Variants in DCLK1 observed in about 807,000 individuals in gnomAD.
DCLK1 encodes doublecortin like kinase 1.
In DCLK1, 16 loss-of-function variants were observed where a neutral mutation model predicts 86.2. The ratio of observed to expected loss-of-function variants is 0.19; its 90% CI spans 0.13 to 0.28. DCLK1 has a LOEUF of 0.28. DCLK1 is among the 10% of genes least tolerant of loss of function. The pLI is 1.00. For missense variants in DCLK1, 590 were observed against 940.2 expected (o/e 0.63, Z 4.87); for synonymous variants, 369 against 370.5 (o/e 1.00, Z 0.05).
At chr13:35,875,794 G>A (rs527591637) in intron 4 of DCLK1, among the ~76,000 whole-genome samples, 6 of 151,996 alleles carry the variant, frequency 3.9e-5, no homozygotes, top group Non-Finnish European at 7.4e-5. Flanking sequence ...GATAAATATC[G>A]GCCCAAATTG....
At chr13:36,104,867 G>A (rs1053553598) in intron 3 of DCLK1, among the ~76,000 whole-genome samples, 15 of 152,090 alleles carry the variant, frequency 9.9e-5, no homozygotes, top group Non-Finnish European at 2.1e-4. Flanking sequence ...TGGAAACTAT[G>A]CAAAATGACC....
At chr13:36,072,696 T>C (rs1341496175) in intron 3 of DCLK1, among the ~76,000 whole-genome samples, 1 of 152,156 alleles carries the variant, frequency 6.6e-6, no homozygotes, top group Non-Finnish European at 1.5e-5. Flanking sequence ...ACTGAATAGA[T>C]ACAATCCAGC....
chr13:36,112,770 C>T (rs1885660484), intron 2 of DCLK1, among the ~76,000 whole-genome samples: 1 of 152,168 alleles, frequency 6.6e-6, no homozygotes, highest in African/African-American at 2.4e-5. Context: ...TAGTGCCAAT[C>T]ACAGTGATCC....
At chr13:36,058,968 G>C (rs9575200) in intron 3 of DCLK1, among the ~76,000 whole-genome samples, 26,519 of 152,096 alleles carry the variant, frequency 0.17, 2,749 homozygotes, top group East Asian at 0.46. Flanking sequence ...TGGCCAAAGA[G>C]AGTAGCTAAG....
chr13:35,926,301 G>A (rs575538814), intron 4 of DCLK1, among the ~76,000 whole-genome samples: 1 of 152,224 alleles, frequency 6.6e-6, no homozygotes, highest in South Asian at 2.1e-4. Flanking sequence ...CAAGTGATCC[G>A]CCCTCTTAGG....
At chr13:35,947,776 G>C (rs879753502) in intron 3 of DCLK1, among the ~76,000 whole-genome samples, 1 of 152,084 alleles carries the variant, frequency 6.6e-6, no homozygotes, top group Admixed American at 6.6e-5. Context: ...TTTCCTCTTC[G>C]GAATGTAATA....
intron 4 of DCLK1, among the ~76,000 whole-genome samples, chr13:35,879,389 T>C (rs17068358): frequency 0.024 from 3,631 of 152,296 alleles, 140 homozygotes; most frequent in African/African-American, 0.08. Context: ...GAAGGCTTTA[T>C]GGCACTGGGA....
intron 5 of DCLK1, among the ~76,000 whole-genome samples, chr13:35,870,154 AT>A (rs2153114477): frequency 6.6e-6 from 1 of 152,288 alleles, no homozygotes; most frequent in South Asian, 2.1e-4. Context: ...CTGACTGGCT[AT>A]GATGCAGGCC....
chr13:35,806,688 T>C (rs1455100080), intron 14 of DCLK1, among the ~76,000 whole-genome samples: 3 of 152,228 alleles, frequency 2.0e-5, no homozygotes, highest in Admixed American at 6.5e-5. Context: ...TGAAAGTATC[T>C]GCTGTGTGTG....
intron 4 of DCLK1, among the ~76,000 whole-genome samples, chr13:35,891,800 T>A (rs1338363742): frequency 6.6e-6 from 1 of 152,178 alleles, no homozygotes; most frequent in East Asian, 1.9e-4. Context: ...GGATTCATCG[T>A]CTGAGGCCCC....
intron 3 of DCLK1, among the ~76,000 whole-genome samples, chr13:36,012,392 T>G (rs1003954307): frequency 9.9e-5 from 15 of 151,532 alleles, no homozygotes; most frequent in Admixed American, 8.5e-4. Flanking sequence ...TGTTTAGCGC[T>G]TCCTTCAGGA....
chr13:35,981,324 ATATACTTTT>A (rs1284412218), intron 3 of DCLK1, among the ~76,000 whole-genome samples: 2 of 152,060 alleles, frequency 1.3e-5, no homozygotes, highest in Non-Finnish European at 2.9e-5. Context: ...TTTAAAAAAT[ATATACTTTT>A]TTTAAGGGAA....
In DCLK1 at chr13:35,805,682, TG is replaced by T; in HGVS notation, c.1944+16del. Reference sequence around the variant, plus strand: ...GAATGTTAGGAGAGAACAAAGGAAATGGTGCGAGTCACTTACATTAACCCAG... The same window carrying T: ...GAATGTTAGGAGAGAACAAAGGAAATGTGCGAGTCACTTACATTAACCCAG... On this transcript the variant is annotated intron_variant, in intron 15 of 16. Transcript: ENST00000360631. 4.4e-6 allele frequency: 7 copies of T among 1,607,290 alleles called. No homozygotes were observed. The highest frequency in any genetic ancestry group is 5.9e-6 in the Non-Finnish European group (7 of 1,176,948).
At chr13:36,036,353 T>C (rs1882492729) in intron 3 of DCLK1, among the ~76,000 whole-genome samples, 1 of 152,180 alleles carries the variant, frequency 6.6e-6, no homozygotes, top group African/African-American at 2.4e-5. Context: ...CAATAAACCC[T>C]GCTGTCCAAC....
intron 14 of DCLK1, 110 bp downstream of exon 14, chr13:35,808,114 A>G: frequency 9.4e-7 from 1 of 1,067,822 alleles, no homozygotes; most frequent in South Asian, 1.4e-5. Context: ...TAAAATGTGT[A>G]CAGAAATCAT....
chr13:35,933,951 T>C (rs571793917), intron 4 of DCLK1, among the ~76,000 whole-genome samples: 5 of 152,310 alleles, frequency 3.3e-5, no homozygotes, highest in Admixed American at 2.0e-4. Context: ...TTATGCTCTG[T>C]TTCCCTTTTA....
intron 3 of DCLK1, among the ~76,000 whole-genome samples, chr13:36,111,372 C>G (rs1311806183): frequency 6.6e-6 from 1 of 152,116 alleles, no homozygotes; most frequent in African/African-American, 2.4e-5. Flanking sequence ...TTAAAGCTAT[C>G]CAGATGGAAA....
chr13:36,000,113 G>T (rs1310867223), intron 3 of DCLK1, among the ~76,000 whole-genome samples: 1 of 152,144 alleles, frequency 6.6e-6, no homozygotes, highest in African/African-American at 2.4e-5. Flanking sequence ...TACATGGCCA[G>T]CCTGCCCTAT....
At chr13:35,947,295 G>GGGCA in intron 4 of DCLK1, 63 bp downstream of exon 4, 1 of 1,295,700 alleles carries the variant, frequency 7.7e-7, no homozygotes, top group Non-Finnish European at 1.1e-6. Flanking sequence ...TCTTGGCCTG[G>GGGCA]TGCAGCTCAT....
Sources: allele counts gnomAD v4.1 joint callset (sites outside exome capture counted in the v4.1 genomes callset), GRCh38; gene constraint gnomAD v4.1.1; transcripts MANE v1.5; gene names NCBI Gene and HGNC (gene_info 2026-07-23, HGNC 2026-07-21).